The following NLRP2 variants were observed in gnomAD, a reference collection of about 807,000 sequenced individuals.
NLRP2 encodes NLR family pyrin domain containing 2.
A neutral mutation model predicts 97.2 loss-of-function variants in NLRP2; 107 were observed. The observed-to-expected ratio is 1.10, with a 90% confidence interval of 0.94 to 1.29. The LOEUF is 1.29. NLRP2 is among the 50% of genes most tolerant of loss of function. The pLI is 0.00. For synonymous variants in NLRP2, 663 were observed against 551.5 expected (o/e 1.20, Z -2.83); for missense variants, 1,495 against 1,330.3 (o/e 1.12, Z -1.93).
At chr19:54,983,794 G>C (rs372638544) in intron 6 of NLRP2, 66 bp downstream of exon 6, 1 of 1,593,270 alleles carries the variant, frequency 6.3e-7, no homozygotes. Context: ...CTTAGGAAGA[G>C]GCCAGAGCCT....
rs200366059 is a variant in NLRP2 at position 54,984,329 on chromosome 19, G to GTTTTTT, written c.2030+619_2030+624dup. On this transcript the variant is annotated intron_variant, in intron 6 of 12. Transcript: ENST00000448584. ...AACTTAAGTGGGGGTTTTTTTTTGT[G>GTTTTTT]TTTTTTTTTTTTTTTTTTTTTTTGG... is the stretch of plus-strand genomic sequence containing the variant. 4.1e-3 allele frequency among the ~76,000 whole-genome samples: 330 copies of GTTTTTT among 79,646 alleles called. 22 individuals are homozygous for GTTTTTT. The highest frequency in any genetic ancestry group is 0.011 in the African/African-American group (230 of 21,618). The allele number at this position is 79,646 out of a possible 152,430, so 52.3% of individuals were successfully genotyped here. A position where few individuals can be genotyped will look rare whatever the true frequency, so the allele number is the denominator to read the frequency against.
intron 1 of NLRP2, among the ~76,000 whole-genome samples, chr19:54,967,639 G>A (rs2070546283): frequency 6.6e-6 from 1 of 150,916 alleles, no homozygotes; most frequent in African/African-American, 2.4e-5. Context: ...GCTATAGAGA[G>A]CTCCAAAAAA....
At chr19:54,988,406 CG>C (rs767864964) in intron 8 of NLRP2, among the ~76,000 whole-genome samples, 4 of 152,024 alleles carry the variant, frequency 2.6e-5, no homozygotes, top group Non-Finnish European at 5.9e-5. Flanking sequence ...GATTCTTCTC[CG>C]TCAACCTCCC....
chr19:54,976,781 ATTG>A (rs1237209154), intron 3 of NLRP2: 5 of 388,066 alleles, frequency 1.3e-5, no homozygotes, highest in South Asian at 6.9e-5. Flanking sequence ...AGCTGCAGAT[ATTG>A]TTATTAGGAT....
At chr19:54,971,080 TTTG>T (rs2070825175) in intron 2 of NLRP2, among the ~76,000 whole-genome samples, 1 of 147,848 alleles carries the variant, frequency 6.8e-6, no homozygotes, top group Non-Finnish European at 1.5e-5. Flanking sequence ...TGTTTGGTTT[TTTG>T]TTCTTGTGAT....
Position 54,972,363 on chromosome 19 carries a change from A to G in NLRP2, c.280+2068A>G, listed in dbSNP as rs867300454. On this transcript the variant is annotated intron_variant, in intron 2 of 12. Transcript: ENST00000448584. ...TGTGCCTGGCTAAATTTTGTATTTT[A>G]ATAGAGATGGGGTTTCACTATGTTG... Among the ~76,000 whole-genome samples the G allele has an allele frequency of 8.6e-5, 13 of 151,234 alleles. No homozygotes were observed. The South Asian group carries it at 2.3e-3, about 27-fold the overall frequency.
At chr19:54,991,968 G>C (rs1286816463) in intron 10 of NLRP2, among the ~76,000 whole-genome samples, 1 of 139,768 alleles carries the variant, frequency 7.2e-6, no homozygotes, top group Non-Finnish European at 1.5e-5. Context: ...TCTTGCCCAC[G>C]CTGGCAATGG....
chr19:54,984,325 T>TGTGTGTGTG (rs113372091), intron 6 of NLRP2, among the ~76,000 whole-genome samples: 1 of 102,684 alleles, frequency 9.7e-6, no homozygotes, highest in African/African-American at 4.5e-5. Flanking sequence ...GGGTTTTTTT[T>TGTGTGTGTG]TGTGTTTTTT....
intron 3 of NLRP2, among the ~76,000 whole-genome samples, chr19:54,977,353 G>A (rs569651022): frequency 6.6e-6 from 1 of 151,912 alleles, no homozygotes; most frequent in South Asian, 2.1e-4. Flanking sequence ...CCCAGGAGGC[G>A]GAGGTTGCAG....
intron 6 of NLRP2, among the ~76,000 whole-genome samples, chr19:54,983,995 C>T (rs190205250): frequency 3.9e-5 from 6 of 152,186 alleles, no homozygotes; most frequent in South Asian, 2.1e-4. Flanking sequence ...GGACTACAGG[C>T]GCCTGCCACC....
chr19:54,977,694 T>C, intron 3 of NLRP2, 58 bp from the exon 4 acceptor site: 1 of 1,553,446 alleles, frequency 6.4e-7, no homozygotes, highest in Non-Finnish European at 8.9e-7. Flanking sequence ...ACTTGAGCCA[T>C]CTTGGAGTCC....
At chr19:54,980,265 C>G (rs2071488400) in intron 4 of NLRP2, among the ~76,000 whole-genome samples, 1 of 151,694 alleles carries the variant, frequency 6.6e-6, no homozygotes, top group Non-Finnish European at 1.5e-5. Context: ...GTGGCGCAAT[C>G]TCGGCTCACT....
At chr19:54,966,691 A>G (rs998637618) in intron 1 of NLRP2, among the ~76,000 whole-genome samples, 195 of 150,568 alleles carry the variant, frequency 1.3e-3, no homozygotes, top group Middle Eastern at 6.9e-3. Flanking sequence ...GACTACAGGC[A>G]CCTGCCACTA....
chr19:54,996,054 C>CAACAA (rs2072799934), intron 11 of NLRP2, among the ~76,000 whole-genome samples: 1 of 115,900 alleles, frequency 8.6e-6, no homozygotes, highest in African/African-American at 3.0e-5. Context: ...AAAAAAAAAA[C>CAACAA]AAAAAAAACA....
chr19:54,991,630 T>G (rs1355895016), intron 10 of NLRP2: 2 of 151,952 alleles, frequency 1.3e-5, no homozygotes, highest in African/African-American at 4.8e-5. Flanking sequence ...ATCTCAGCAC[T>G]TTAGGAGGCG....
Position 55,001,031 on chromosome 19 carries a change from C to T in NLRP2, c.*133C>T. On this transcript the variant is annotated 3_prime_UTR_variant, in exon 13 of 13. Coordinates refer to ENST00000448584, the MANE Select transcript of NLRP2 (RefSeq NM_017852.5). ...TCATTGCTGGGCTAGATGTTTTAGC[C>T]ATGATTCTGCCTCTGTTTTATACCT... is the stretch of plus-strand genomic sequence containing the variant. 1.3e-6 allele frequency: 1 copy of T among 772,290 alleles called. No individual in the cohort carries two copies. Among genetic ancestry groups the T allele is most frequent in the South Asian group, 1.5e-5 (1 of 66,912 alleles). 47.8% of individuals were successfully genotyped at this position (772,290 alleles called of 1,614,324 possible).
chr19:54,967,818 T>C (rs190479660), intron 1 of NLRP2, among the ~76,000 whole-genome samples: 9 of 152,246 alleles, frequency 5.9e-5, no homozygotes, highest in African/African-American at 9.6e-5. Context: ...GACCTGAGTC[T>C]TATGCAAATA....
In NLRP2 at chr19:54,994,299, C is replaced by T. The variant is rs1602429040; in HGVS notation, c.2739C>T (p.Gly913=). 1 of 1,614,046 alleles carries T rather than the reference C, an allele frequency of 6.2e-7. No individual in the cohort carries two copies. The highest frequency in any genetic ancestry group is 8.5e-7 in the Non-Finnish European group (1 of 1,180,040). The change falls in exon 11 of 13, where the codon GGC becomes GGT. Residue 913 remains glycine (G), a synonymous_variant. Transcript: ENST00000448584. ...GGAACTGCGACATAACTAGCGATGG[C>T]TGCTGCGATCTCACAAAGCTTCTCC... ...VLWNCDITSD[G]CCDLTKLLQE...
rs139943113 is a variant in NLRP2, at chr19:54,994,356, G to C, written c.2796G>C (p.Leu932=). The C allele has an allele frequency of 2.7e-4, 435 of 1,614,098 alleles. No homozygotes were observed. In the African/African-American group the frequency reaches 5.4e-3, roughly 20 times the overall value. The part of the protein sequence containing the change: ...QEKSSLLCLD[L]GLNHIGVKGM... ...AATCAAGCCTGTTGTGTTTGGATCTGGGGCTGAATCACATAGGAGTTAAGG... is the reference window on the plus strand; with the variant it reads ...AATCAAGCCTGTTGTGTTTGGATCTCGGGCTGAATCACATAGGAGTTAAGG... Residue 932 remains leucine (L), a synonymous_variant, in exon 11 of 13, where the codon CTG becomes CTC. Coordinates refer to ENST00000448584, the MANE Select transcript of NLRP2 (RefSeq NM_017852.5).
Sources: gnomAD v4.1 joint callset for allele counts (sites outside exome capture counted in the v4.1 genomes callset) on GRCh38, gnomAD v4.1.1 for gene constraint, MANE v1.5 for transcripts, NCBI Gene and HGNC (gene_info 2026-07-23, HGNC 2026-07-21) for gene names.